Variants in XIRP2 observed in about 807,000 individuals in gnomAD.
XIRP2 encodes xin actin-binding repeat-containing protein 2.
Under a neutral mutation model 277.0 loss-of-function variants are expected in XIRP2, and 236 were observed. The ratio of observed to expected loss-of-function variants is 0.85; its 90% CI spans 0.77 to 0.95. XIRP2 has a LOEUF of 0.95. Ranked by LOEUF, XIRP2 falls within the 40% of genes least tolerant of loss-of-function variation. The pLI is 0.00. For missense variants in XIRP2, 4,640 were observed against 4,157.5 expected (o/e 1.12, Z -3.19); for synonymous variants, 1,490 against 1,416.5 (o/e 1.05, Z -1.17).
intron 3 of XIRP2, among the ~76,000 whole-genome samples, chr2:167,189,541 T>C (rs538454306): frequency 7.9e-5 from 12 of 152,358 alleles, no homozygotes; most frequent in Middle Eastern, 3.4e-3. Flanking sequence ...GTAATGTGTT[T>C]CTTCCTGTTT....
rs1393655053 is a variant in XIRP2, at chr2:166,903,469, A to G, written c.-14A>G. ...AAAGGATTCTTGATATTGCAGGACA[A>G]CCTGGACCCATCCATGTTCCCAATG... On this transcript the variant is annotated 5_prime_UTR_variant, in exon 2 of 11. Transcript: ENST00000409195. The G allele has an allele frequency of 1.9e-6, 3 of 1,606,594 alleles. No individual in the cohort carries two copies. The highest frequency in any genetic ancestry group is 1.7e-6 in the Non-Finnish European group (2 of 1,175,748).
chr2:167,258,537 T>G lies in XIRP2; in HGVS notation c.*720T>G. ...ATGGATCTTAATGACAACAATAATG[T>G]GATTGTGCAGAGTGCTGAAAAGGAG... On this transcript the variant is annotated 3_prime_UTR_variant, in exon 11 of 11. Transcript: ENST00000409195. 6.2e-7 allele frequency: 1 copy of G among 1,612,960 alleles called. No homozygotes were observed. Among genetic ancestry groups the G allele is most frequent in the South Asian group, 1.1e-5 (1 of 91,034 alleles).
intron 1 of XIRP2, among the ~76,000 whole-genome samples, chr2:166,892,857 T>C (rs1429129400): frequency 6.2e-5 from 9 of 146,150 alleles, no homozygotes; most frequent in Non-Finnish European, 1.2e-4. Context: ...ATATATGTTT[T>C]ATATATATAT....
intron 7 of XIRP2, 39 bp downstream of exon 7, chr2:167,240,775 C>G: frequency 6.4e-7 from 1 of 1,558,330 alleles, no homozygotes; most frequent in Non-Finnish European, 8.9e-7. Context: ...ACTCCTTTCT[C>G]CTATTGATGT....
intron 2 of XIRP2, among the ~76,000 whole-genome samples, chr2:167,118,663 A>G (rs1443881778): frequency 1.3e-5 from 2 of 152,108 alleles, no homozygotes; most frequent in Non-Finnish European, 2.9e-5. Flanking sequence ...CCAGACCATC[A>G]TCAGATAATG....
At chr2:166,984,312 A>C (rs1255534829) in intron 2 of XIRP2, among the ~76,000 whole-genome samples, 1 of 152,156 alleles carries the variant, frequency 6.6e-6, no homozygotes, top group Non-Finnish European at 1.5e-5. Context: ...GGTTTATTTA[A>C]ACAAAATGTT....
chr2:167,025,915 A>G (rs1431663980), intron 2 of XIRP2, among the ~76,000 whole-genome samples: 1 of 152,134 alleles, frequency 6.6e-6, no homozygotes, highest in South Asian at 2.1e-4. Flanking sequence ...GTGGTGCTGA[A>G]AAAAATGTAT....
At chr2:167,062,812 A>G (rs957906956) in intron 2 of XIRP2, among the ~76,000 whole-genome samples, 3 of 151,990 alleles carry the variant, frequency 2.0e-5, no homozygotes, top group Non-Finnish European at 4.4e-5. Context: ...ATGATATTCA[A>G]AATTGGTCTT....
At chr2:166,976,263 T>C (rs750884172) in intron 2 of XIRP2, among the ~76,000 whole-genome samples, 6 of 152,276 alleles carry the variant, frequency 3.9e-5, no homozygotes, top group Non-Finnish European at 7.4e-5. Context: ...CTCCCCCTTA[T>C]TGTTATGTGT....
At chr2:166,901,157 G>A (rs1684379979) in intron 1 of XIRP2, among the ~76,000 whole-genome samples, 1 of 151,990 alleles carries the variant, frequency 6.6e-6, no homozygotes, top group Non-Finnish European at 1.5e-5. Context: ...CAGCTTATTT[G>A]GCTAGAGAAA....
chr2:167,109,863 A>G (rs908815856), intron 2 of XIRP2, among the ~76,000 whole-genome samples: 3 of 151,966 alleles, frequency 2.0e-5, no homozygotes, highest in African/African-American at 7.3e-5. Context: ...AGTAATAGCC[A>G]TTCTTACTGG....
chr2:167,167,707 G>C (rs1428050633), intron 3 of XIRP2, among the ~76,000 whole-genome samples: 1 of 151,814 alleles, frequency 6.6e-6, no homozygotes, highest in Non-Finnish European at 1.5e-5. Flanking sequence ...TAAACATATA[G>C]CACATACATA....
chr2:166,974,580 C>CT (rs1221917577), intron 2 of XIRP2, among the ~76,000 whole-genome samples: 1 of 151,716 alleles, frequency 6.6e-6, no homozygotes, highest in African/African-American at 2.4e-5. Context: ...TATAATAACT[C>CT]TAAGTAGACT....
chr2:167,189,429 C>T (rs970311746), intron 3 of XIRP2, among the ~76,000 whole-genome samples: 4 of 152,180 alleles, frequency 2.6e-5, no homozygotes, highest in African/African-American at 9.7e-5. Flanking sequence ...ATTGAACGAT[C>T]TGTGAAGACA....
intron 2 of XIRP2, among the ~76,000 whole-genome samples, chr2:167,086,482 G>A (rs976605465): frequency 1.0e-3 from 152 of 151,534 alleles, no homozygotes; most frequent in South Asian, 3.8e-3. Flanking sequence ...GAATCTGAAC[G>A]TTGGCCTGCC....
intron 1 of XIRP2, among the ~76,000 whole-genome samples, chr2:166,889,278 C>A (rs561885787): frequency 6.6e-6 from 1 of 152,254 alleles, no homozygotes; most frequent in Admixed American, 6.5e-5. Flanking sequence ...TTTCCTGCAC[C>A]TTTCTATCTC....
chr2:167,215,196 T>C (rs1011598805), intron 4 of XIRP2, among the ~76,000 whole-genome samples: 1 of 152,202 alleles, frequency 6.6e-6, no homozygotes, highest in African/African-American at 2.4e-5. Context: ...TTTTTCACTG[T>C]ATCTTAAATT....
At chr2:166,984,083 G>A (rs577881702) in intron 2 of XIRP2, among the ~76,000 whole-genome samples, 1 of 152,082 alleles carries the variant, frequency 6.6e-6, no homozygotes. Flanking sequence ...ATTAAAGTTT[G>A]TTCAAGATGG....
At chr2:167,143,742 C>T (rs1015846060) in intron 3 of XIRP2, among the ~76,000 whole-genome samples, 16 of 151,758 alleles carry the variant, frequency 1.1e-4, no homozygotes, top group Non-Finnish European at 1.8e-4. Context: ...TAACAATTTT[C>T]GCCAATTAAA....
Sources: allele counts gnomAD v4.1 joint callset (sites outside exome capture counted in the v4.1 genomes callset), GRCh38; gene constraint gnomAD v4.1.1; transcripts MANE v1.5; gene names NCBI Gene and HGNC (gene_info 2026-07-23, HGNC 2026-07-21).